CRIM1: variants seen among roughly 807,000 people sequenced by gnomAD.
The protein encoded by CRIM1 is cysteine rich transmembrane BMP regulator 1, also known as cysteine-rich motor neuron 1 protein.
In CRIM1, 32 loss-of-function variants were observed where a neutral mutation model predicts 116.4. The observed-to-expected ratio is 0.27, with a 90% CI of 0.21 to 0.37. The LOEUF is 0.37. Ranked by LOEUF, CRIM1 falls within the 10% of genes least tolerant of loss-of-function variation. CRIM1 has a pLI of 1.00. For synonymous variants in CRIM1, 590 were observed against 509.2 expected (o/e 1.16, Z -2.13); for missense variants, 1,331 against 1,354.8 (o/e 0.98, Z 0.28).
chr2:36,408,951 A>G (rs779353183), intron 2 of CRIM1, among the ~76,000 whole-genome samples: 1 of 151,430 alleles, frequency 6.6e-6, no homozygotes, highest in Non-Finnish European at 1.5e-5. Context: ...TGTTTTTTCT[A>G]CTCTCCTGTC....
chr2:36,394,379 GC>G (rs1266859492), intron 1 of CRIM1, among the ~76,000 whole-genome samples: 3 of 152,060 alleles, frequency 2.0e-5, no homozygotes, highest in African/African-American at 7.2e-5. Context: ...AGTACTACTG[GC>G]ATGTTAACAG....
intron 14 of CRIM1, among the ~76,000 whole-genome samples, 162 bp downstream of exon 14, chr2:36,537,708 A>G (rs1666652495): frequency 6.6e-6 from 1 of 152,266 alleles, no homozygotes; most frequent in Non-Finnish European, 1.5e-5. Flanking sequence ...GGTAACTTGG[A>G]AAACTATGAC....
In CRIM1 at chr2:36,537,657, C is replaced by T. The variant is rs1338270259; in HGVS notation, c.2623+111C>T. The T allele has an allele frequency of 6.6e-6, 8 of 1,214,650 alleles. No homozygotes were observed. In the East Asian group the frequency reaches 7.8e-5, roughly 12 times the overall value. 75.2% of individuals were successfully genotyped at this position (1,214,650 alleles called of 1,614,324 possible). A position where few individuals can be genotyped will look rare whatever the true frequency, so the allele number is the denominator to read the frequency against. Reference sequence around the variant, plus strand: ...TCATTCGTTCACACGGCCCAAGTAGCGTGTCAGGCCCAGTTAGCGCCTCCA... The same window carrying T: ...TCATTCGTTCACACGGCCCAAGTAGTGTGTCAGGCCCAGTTAGCGCCTCCA... On this transcript the variant is annotated intron_variant, in intron 14 of 16. Transcript: ENST00000280527.
At position 36,397,395 on chromosome 2, in the gene CRIM1, T is replaced by C. The variant is rs149183014; in HGVS notation, c.505+608T>C. On this transcript the variant is annotated intron_variant, in intron 2 of 16. Transcript: ENST00000280527. ...ACAACCAAGAAAAAACTTCAAGAAA[T>C]TGAATATATGACTCATCACCACAGT... 8.5e-5 allele frequency among the ~76,000 whole-genome samples: 13 copies of C among 152,116 alleles called. No homozygotes were observed. The East Asian group carries it at 2.5e-3, about 29-fold the overall frequency.
At position 36,523,160 on chromosome 2, in the gene CRIM1, T is replaced by C. The variant is rs140075956; in HGVS notation, c.2428+847T>C. 3.2e-3 allele frequency among the ~76,000 whole-genome samples: 490 copies of C among 152,230 alleles called. 6 individuals carry two copies. Among genetic ancestry groups the C allele is most frequent in the South Asian group, 0.015 (72 of 4,814 alleles). The stretch of plus-strand genomic sequence containing the variant: ...GTAGAGATGGGGACAGTGGTGTTTT[T>C]TTCCAGATAGAAACACCAAGTCTCA... On this transcript the variant is annotated intron_variant, in intron 13 of 16. Coordinates refer to ENST00000280527, the MANE Select transcript of CRIM1 (RefSeq NM_016441.3).
At chr2:36,491,627 T>C (rs962232577) in intron 7 of CRIM1, among the ~76,000 whole-genome samples, 5 of 152,248 alleles carry the variant, frequency 3.3e-5, no homozygotes, top group African/African-American at 1.2e-4. Context: ...TGAGCAGTTC[T>C]ATAGACCAAA....
chr2:36,490,106 C>T (rs1680120109), intron 7 of CRIM1, among the ~76,000 whole-genome samples: 1 of 152,118 alleles, frequency 6.6e-6, no homozygotes, highest in Admixed American at 6.5e-5. Context: ...GTTCAGAATG[C>T]TGAACCAATT....
rs377585074 is a variant in CRIM1 at position 36,456,327 on chromosome 2, G to A, written c.870-8207G>A. ...CGGTAAACAGCTACAAAATCATTAC[G>A]TGTTCATAAACAAGCTGATTCATTG... On this transcript the variant is annotated intron_variant, in intron 4 of 16. Coordinates refer to ENST00000280527, the MANE Select transcript of CRIM1 (RefSeq NM_016441.3). Among the ~76,000 whole-genome samples, 86 of 152,252 alleles carry A rather than the reference G, an allele frequency of 5.6e-4. 3 individuals carry two copies. In the South Asian group the frequency reaches 0.016, roughly 29 times the overall value.
chr2:36,505,303 C>A (rs1681314369), intron 8 of CRIM1, among the ~76,000 whole-genome samples: 1 of 152,114 alleles, frequency 6.6e-6, no homozygotes, highest in Admixed American at 6.5e-5. Flanking sequence ...TATGACTTTA[C>A]GTGAAATGAC....
chr2:36,468,189 C>T (rs1412702311), intron 5 of CRIM1, among the ~76,000 whole-genome samples: 1 of 152,204 alleles, frequency 6.6e-6, no homozygotes, highest in East Asian at 1.9e-4. Flanking sequence ...GGATTATGCA[C>T]TGCCGCACTC....
intron 3 of CRIM1, among the ~76,000 whole-genome samples, chr2:36,442,247 C>CT (rs879559097): frequency 5.0e-4 from 71 of 143,118 alleles, no homozygotes; most frequent in African/African-American, 5.5e-4. Context: ...TTCTTTCTTT[C>CT]TTTTTTTTTT....
chr2:36,545,714 C>T (rs576131459), intron 15 of CRIM1, among the ~76,000 whole-genome samples: 4 of 152,262 alleles, frequency 2.6e-5, no homozygotes, highest in African/African-American at 9.6e-5. Flanking sequence ...TGTAAACAGA[C>T]CTCACTTGCA....
At chr2:36,522,755 T>A (rs373145007) in intron 13 of CRIM1, among the ~76,000 whole-genome samples, 39 of 149,340 alleles carry the variant, frequency 2.6e-4, no homozygotes, top group African/African-American at 9.1e-4. Context: ...TGAGCCAAGA[T>A]TGTGCCACTG....
At chr2:36,493,907 G>A (rs750365247) in intron 7 of CRIM1, among the ~76,000 whole-genome samples, 16 of 152,052 alleles carry the variant, frequency 1.1e-4, no homozygotes, top group Non-Finnish European at 2.9e-5. Flanking sequence ...CATTTTTATT[G>A]TTCTCCCAGA....
In CRIM1 at chr2:36,509,901, G is replaced by A. The variant is rs1180002306; in HGVS notation, c.1502-82G>A. On this transcript the variant is annotated intron_variant, in intron 8 of 16. Coordinates refer to ENST00000280527, the MANE Select transcript of CRIM1 (RefSeq NM_016441.3). ...AATTGAGATCTGTGGAAGAGTGGAG[G>A]ATTCAGGGACCGTATTTCAGCATCG... The A allele has an allele frequency of 9.6e-6, 12 of 1,249,498 alleles. No individual in the cohort carries two copies. In the Admixed American group the frequency reaches 1.3e-4, roughly 13 times the overall value. The allele number at this position is 1,249,498 out of a possible 1,614,324, so 77.4% of individuals were successfully genotyped here. A position where few individuals can be genotyped will look rare whatever the true frequency, so the allele number is the denominator to read the frequency against.
rs554038612 is a variant in CRIM1 at position 36,507,931 on chromosome 2, G to T, written c.1502-2052G>T. On this transcript the variant is annotated intron_variant, in intron 8 of 16. Coordinates refer to ENST00000280527, the MANE Select transcript of CRIM1 (RefSeq NM_016441.3). ...TTGACTGACTCTGGGAGGTTTTCAG[G>T]GTGTTTTTAATTCATCTGTTTCCCA... Among the ~76,000 whole-genome samples the T allele has an allele frequency of 2.0e-4, 31 of 152,276 alleles. 1 individual carries two copies. The highest frequency in any genetic ancestry group is 3.4e-3 in the Middle Eastern group (1 of 294).
At position 36,410,220 on chromosome 2, in the gene CRIM1, A is replaced by G. The variant is rs182704563; in HGVS notation, c.505+13433A>G. On this transcript the variant is annotated intron_variant, in intron 2 of 16. Transcript: ENST00000280527. The stretch of plus-strand genomic sequence containing the variant: ...GTGTTTTTTTTGTTTCTGGTTGACA[A>G]CTTCCTAGTTTTCCTACACTTCATT... 5.3e-5 allele frequency among the ~76,000 whole-genome samples: 8 copies of G among 152,108 alleles called. No individual in the cohort carries two copies. The East Asian group carries it at 1.5e-3, about 29-fold the overall frequency.
At chr2:36,430,293 G>A (rs1430186469) in intron 2 of CRIM1, among the ~76,000 whole-genome samples, 5 of 152,222 alleles carry the variant, frequency 3.3e-5, no homozygotes, top group Non-Finnish European at 7.4e-5. Context: ...TATGAAGGGG[G>A]GAAAAAGTAT....
intron 8 of CRIM1, among the ~76,000 whole-genome samples, chr2:36,505,270 A>G (rs1054703900): frequency 6.6e-6 from 1 of 152,192 alleles, no homozygotes; most frequent in Non-Finnish European, 1.5e-5. Flanking sequence ...CTCACTTAAC[A>G]TCCTCTGTAG....
Sources: allele counts gnomAD v4.1 joint callset (sites outside exome capture counted in the v4.1 genomes callset), GRCh38; gene constraint gnomAD v4.1.1; transcripts MANE v1.5; gene names NCBI Gene and HGNC (gene_info 2026-07-23, HGNC 2026-07-21).